ASCC3: variants seen among roughly 807,000 people sequenced by gnomAD.
ASCC3 encodes the protein ASC-1 complex subunit P200.
ASCC3 carries 158 observed loss-of-function variants against 256.3 expected under a neutral mutation model. The observed-to-expected ratio is 0.62, with a 90% CI of 0.54 to 0.70. The LOEUF (loss-of-function observed/expected upper bound fraction) is 0.70. Ranked by LOEUF, ASCC3 falls within the 30% of genes least tolerant of loss-of-function variation. The pLI is 0.00. For missense variants in ASCC3, 2,259 were observed against 2,626.0 expected (o/e 0.86, Z 3.05); for synonymous variants, 948 against 883.4 (o/e 1.07, Z -1.30).
intron 1 of ASCC3, among the ~76,000 whole-genome samples, chr6:100,876,736 A>G (rs1367018020): frequency 2.6e-5 from 4 of 152,202 alleles, no homozygotes; most frequent in African/African-American, 7.2e-5. Context: ...TTCTGTTAAT[A>G]ATAAATATTT....
intron 8 of ASCC3, among the ~76,000 whole-genome samples, chr6:100,773,256 ATTAC>A (rs780188274): frequency 6.6e-6 from 1 of 152,166 alleles, no homozygotes; most frequent in Non-Finnish European, 1.5e-5. Flanking sequence ...AGCTATTATT[ATTAC>A]TATCATATAT....
intron 36 of ASCC3, among the ~76,000 whole-genome samples, chr6:100,542,569 C>A (rs2114667904): frequency 6.6e-6 from 1 of 152,108 alleles, no homozygotes; most frequent in Non-Finnish European, 1.5e-5. Flanking sequence ...GTAGTCCCAG[C>A]TACTCGGGAG....
chr6:100,853,980 C>G (rs1772816688), intron 3 of ASCC3, among the ~76,000 whole-genome samples: 1 of 151,966 alleles, frequency 6.6e-6, no homozygotes, highest in Non-Finnish European at 1.5e-5. Flanking sequence ...TACCATGTCC[C>G]CATAATTTTT....
At chr6:100,738,303 T>C (rs1022358195) in intron 10 of ASCC3, among the ~76,000 whole-genome samples, 1 of 152,228 alleles carries the variant, frequency 6.6e-6, no homozygotes, top group Non-Finnish European at 1.5e-5. Flanking sequence ...TGTGCCTATG[T>C]CCTCAGTGGT....
chr6:100,799,492 G>A lies in ASCC3; in HGVS notation c.1208C>T (p.Pro403Leu). ...RDADVEKIHY[P>L]HVYDSQAEAM... is the part of the protein sequence containing the mutation. ...TTCAGCCTGGGAATCATACACATGG[G>A]GATAATGTATTTTTTCAACGTCTGC... The change falls in exon 7 of 42, where the codon CCC (proline) becomes CTC (leucine). Residue 403 changes from proline (P) to leucine (L), a missense_variant. By Grantham distance (98) the Pro-to-Leu change is moderately conservative (BLOSUM62 -3). Around this residue, in one of 2 missense-constraint regions of ASCC3, gnomAD observed 1,839 missense variants for 2,206.7 expected, o/e 0.83. Coordinates refer to ENST00000369162, the MANE Select transcript of ASCC3 (RefSeq NM_006828.4). The A allele has an allele frequency of 6.2e-7, 1 of 1,613,078 alleles. No individual in the cohort carries two copies. Among genetic ancestry groups the A allele is most frequent in the Non-Finnish European group, 8.5e-7 (1 of 1,179,482 alleles).
intron 8 of ASCC3, among the ~76,000 whole-genome samples, chr6:100,790,802 G>A (rs1769315822): frequency 6.6e-6 from 1 of 151,868 alleles, no homozygotes; most frequent in African/African-American, 2.4e-5. Flanking sequence ...CCTAGTTAGA[G>A]GCAGATGTTA....
intron 36 of ASCC3, among the ~76,000 whole-genome samples, chr6:100,569,824 C>T (rs1384838562): frequency 6.6e-6 from 1 of 152,070 alleles, no homozygotes; most frequent in Non-Finnish European, 1.5e-5. Context: ...TGAAAAATGA[C>T]ATTGGTAGTT....
chr6:100,570,011 T>A (rs1002866633), intron 36 of ASCC3, among the ~76,000 whole-genome samples: 2 of 152,178 alleles, frequency 1.3e-5, no homozygotes, highest in African/African-American at 2.4e-5. Context: ...CTTGGTTAGA[T>A]GTATTCCCAG....
chr6:100,818,211 A>G (rs1372062209), intron 4 of ASCC3, among the ~76,000 whole-genome samples: 1 of 152,180 alleles, frequency 6.6e-6, no homozygotes, highest in Non-Finnish European at 1.5e-5. Context: ...CTTTTGTAAT[A>G]AAAACATTCA....
chr6:100,817,254 A>T (rs1417312271), intron 4 of ASCC3, among the ~76,000 whole-genome samples: 1 of 152,038 alleles, frequency 6.6e-6, no homozygotes, highest in Non-Finnish European at 1.5e-5. Flanking sequence ...ATCCAACAGA[A>T]CAAAACTTAC....
At chr6:100,734,824 T>C (rs963747780) in intron 10 of ASCC3, among the ~76,000 whole-genome samples, 4 of 152,174 alleles carry the variant, frequency 2.6e-5, no homozygotes, top group Non-Finnish European at 5.9e-5. Flanking sequence ...AATATACTTA[T>C]GTAACAAAAC....
intron 30 of ASCC3, among the ~76,000 whole-genome samples, chr6:100,612,339 TCC>T (rs1773443713): frequency 6.6e-6 from 1 of 151,988 alleles, no homozygotes; most frequent in Non-Finnish European, 1.5e-5. Context: ...CCCAATTCTG[TCC>T]TTTTGAATGT....
chr6:100,638,679 T>C lies in ASCC3; in HGVS notation c.4044A>G (p.Gly1348=). Residue 1348 remains glycine (G), a synonymous_variant, in exon 25 of 42, where the codon GGA becomes GGG. Transcript: ENST00000369162. ...LYHTDCNVLL[G]APTGSGKTVA... ...CAGTCTTTCCCGATCCAGTAGGTGCTCCAAGTAGGACATTACAATCCGTGT... is the reference window on the plus strand; with the variant it reads ...CAGTCTTTCCCGATCCAGTAGGTGCCCCAAGTAGGACATTACAATCCGTGT... 1 of 1,614,080 alleles carries C rather than the reference T, an allele frequency of 6.2e-7. No individual in the cohort carries two copies. The highest frequency in any genetic ancestry group is 8.5e-7 in the Non-Finnish European group (1 of 1,179,972).
At chr6:100,844,931 T>C (rs1772318421) in intron 4 of ASCC3, among the ~76,000 whole-genome samples, 1 of 152,184 alleles carries the variant, frequency 6.6e-6, no homozygotes, top group African/African-American at 2.4e-5. Flanking sequence ...TTCTATGTAA[T>C]AAATTCCCTG....
intron 36 of ASCC3, among the ~76,000 whole-genome samples, chr6:100,542,079 C>T (rs1053799519): frequency 1.3e-5 from 2 of 152,024 alleles, no homozygotes; most frequent in Non-Finnish European, 2.9e-5. Flanking sequence ...GCCTAATGCA[C>T]AGTGTGGAAG....
At chr6:100,864,586 G>T (rs112740171) in intron 2 of ASCC3, among the ~76,000 whole-genome samples, 1 of 151,954 alleles carries the variant, frequency 6.6e-6, no homozygotes, top group African/African-American at 2.4e-5. Flanking sequence ...ATATAGCTTA[G>T]ACTATAGTGT....
intron 13 of ASCC3, among the ~76,000 whole-genome samples, chr6:100,680,321 G>A (rs1777237785): frequency 6.6e-6 from 1 of 152,160 alleles, no homozygotes; most frequent in Admixed American, 6.5e-5. Flanking sequence ...GGGGGAAGGT[G>A]TGTGCCTGAA....
intron 8 of ASCC3, among the ~76,000 whole-genome samples, chr6:100,767,616 GT>G (rs35868621): frequency 0.97 from 146,182 of 150,274 alleles, 71,235 homozygotes; most frequent in East Asian, 1. Flanking sequence ...GGTTTTTTTG[GT>G]TTTTTTTTTG....
At chr6:100,547,525 C>T (rs1190948634) in intron 36 of ASCC3, among the ~76,000 whole-genome samples, 1 of 151,824 alleles carries the variant, frequency 6.6e-6, no homozygotes, top group Non-Finnish European at 1.5e-5. Context: ...ACAAACAGCC[C>T]AGTAAAAGAA....
Sources: allele counts gnomAD v4.1 joint callset (sites outside exome capture counted in the v4.1 genomes callset), GRCh38; gene constraint gnomAD v4.1.1; regional missense constraint gnomAD v4.1.1; transcripts MANE v1.5; gene names NCBI Gene and HGNC (gene_info 2026-07-23, HGNC 2026-07-21).